The following CAMTA1 variants were observed in gnomAD, a reference collection of about 807,000 sequenced individuals.
CAMTA1 encodes calmodulin binding transcription activator 1.
A neutral mutation model predicts 170.9 loss-of-function variants in CAMTA1; 27 were observed. That is an observed-to-expected ratio of 0.16 (90% CI 0.12 to 0.22). CAMTA1 has a LOEUF of 0.22. Among genes scored for constraint, CAMTA1 ranks in the 10% least tolerant of loss-of-function variants. The probability of loss-of-function intolerance (pLI) is 1.00; values close to 1 mark genes in which losing one functional copy is unlikely to be tolerated. For missense variants in CAMTA1, 1,619 were observed against 2,217.2 expected (o/e 0.73, Z 5.42); for synonymous variants, 833 against 891.5 (o/e 0.93, Z 1.17).
chr1:7,663,558 C>A lies in CAMTA1; in HGVS notation c.1011C>A (p.His337Gln), dbSNP rs2149154984. The A allele has an allele frequency of 6.2e-7, 1 of 1,610,916 alleles. No individual in the cohort carries two copies. Among genetic ancestry groups the A allele is most frequent in the East Asian group, 2.2e-5 (1 of 44,738 alleles). ...AGGTGGCCAAGCCCGTGCTCCTGCA[C>A]CAGAGCAGCACCGAGGTCTCCTCCA... ...NGKVAKPVLL[H>Q]QSSTEVSSTN... Residue 337 changes from histidine (H) to glutamine (Q), a missense_variant, in exon 9 of 23, where the codon CAC (histidine) becomes CAA (glutamine). Physicochemically the swap from His to Gln is conservative, Grantham distance 24. Around this residue, in one of 8 missense-constraint regions of CAMTA1, gnomAD observed 731 missense variants for 907.6 expected, o/e 0.81. Transcript: ENST00000303635.
intron 4 of CAMTA1, among the ~76,000 whole-genome samples, chr1:7,208,528 C>T (rs949970078): frequency 1.3e-5 from 2 of 152,266 alleles, no homozygotes; most frequent in African/African-American, 4.8e-5. Flanking sequence ...CTCTTGAAAA[C>T]CATGTGATTC....
intron 4 of CAMTA1, among the ~76,000 whole-genome samples, chr1:7,189,298 G>A (rs1450199740): frequency 6.6e-6 from 1 of 152,144 alleles, no homozygotes; most frequent in Non-Finnish European, 1.5e-5. Flanking sequence ...ACAAGAATGA[G>A]CTATATCTGT....
At chr1:7,417,044 G>C (rs1326943771) in intron 5 of CAMTA1, among the ~76,000 whole-genome samples, 1 of 152,230 alleles carries the variant, frequency 6.6e-6, no homozygotes, top group African/African-American at 2.4e-5. Context: ...TGTTTGCCTG[G>C]GTATCAGCAG....
intron 6 of CAMTA1, among the ~76,000 whole-genome samples, chr1:7,626,462 C>T (rs974061517): frequency 6.6e-6 from 1 of 152,202 alleles, no homozygotes; most frequent in Non-Finnish European, 1.5e-5. Flanking sequence ...AAACAGAAAG[C>T]CCACCAAACA....
chr1:7,414,857 T>C (rs2091048650), intron 5 of CAMTA1, among the ~76,000 whole-genome samples: 1 of 152,164 alleles, frequency 6.6e-6, no homozygotes, highest in South Asian at 2.1e-4. Flanking sequence ...TGTTAGGGTG[T>C]CAATTTTGGA....
intron 6 of CAMTA1, among the ~76,000 whole-genome samples, chr1:7,577,508 A>G (rs1557945754): frequency 6.6e-6 from 1 of 151,962 alleles, no homozygotes; most frequent in Non-Finnish European, 1.5e-5. Context: ...CCTGGAAGGA[A>G]GTCCCATCTA....
intron 5 of CAMTA1, among the ~76,000 whole-genome samples, chr1:7,346,838 G>T (rs1412855788): frequency 2.6e-5 from 4 of 152,180 alleles, no homozygotes; most frequent in Non-Finnish European, 5.9e-5. Context: ...TACCCCAGGA[G>T]GTTGGGCTCC....
chr1:6,976,926 A>G (rs1693534555), intron 3 of CAMTA1, among the ~76,000 whole-genome samples: 1 of 152,210 alleles, frequency 6.6e-6, no homozygotes, highest in African/African-American at 2.4e-5. Flanking sequence ...TGATGGTTTT[A>G]TAAAGGGCAG....
rs959281876 is a variant in CAMTA1, at chr1:7,405,157, T to C, written c.439-62673T>C. On this transcript the variant is annotated intron_variant, in intron 5 of 22. Coordinates refer to ENST00000303635, the MANE Select transcript of CAMTA1 (RefSeq NM_015215.4). ...CCTCACTTCCTGCAGGCAAGTAGGA[T>C]GCGTCCTCCATGGAGTCTCTGCATT... Among the ~76,000 whole-genome samples, 6 of 152,164 alleles carry C rather than the reference T, an allele frequency of 3.9e-5. No individual in the cohort carries two copies. The East Asian group carries it at 9.7e-4, about 25-fold the overall frequency.
At chr1:6,913,200 C>G (rs1187582168) in intron 3 of CAMTA1, among the ~76,000 whole-genome samples, 1 of 152,210 alleles carries the variant, frequency 6.6e-6, no homozygotes, top group East Asian at 1.9e-4. Context: ...TCCTTTAGGT[C>G]CATGCCCTGT....
At chr1:6,859,338 A>AT (rs1197188550) in intron 3 of CAMTA1, among the ~76,000 whole-genome samples, 1 of 152,198 alleles carries the variant, frequency 6.6e-6, no homozygotes, top group Non-Finnish European at 1.5e-5. Context: ...GTGTGCATAA[A>AT]GACATAGCAC....
intron 11 of CAMTA1, among the ~76,000 whole-genome samples, chr1:7,678,998 C>G (rs749223366): frequency 9.9e-5 from 15 of 152,228 alleles, no homozygotes; most frequent in Non-Finnish European, 2.1e-4. Context: ...GCTGCCCTGG[C>G]TGGTGAACCC....
chr1:6,980,721 C>CA (rs963062864), intron 3 of CAMTA1, among the ~76,000 whole-genome samples: 4 of 152,154 alleles, frequency 2.6e-5, no homozygotes, highest in Admixed American at 6.5e-5. Flanking sequence ...CCTGCACACA[C>CA]ACTCCTTTGC....
At chr1:7,020,977 T>A (rs950257667) in intron 3 of CAMTA1, among the ~76,000 whole-genome samples, 2 of 152,246 alleles carry the variant, frequency 1.3e-5, no homozygotes, top group Non-Finnish European at 2.9e-5. Context: ...AGGCAGTGCT[T>A]GTGCATCCTG....
At chr1:7,088,192 C>T (rs79863101) in intron 3 of CAMTA1, among the ~76,000 whole-genome samples, 3 of 152,298 alleles carry the variant, frequency 2.0e-5, no homozygotes, top group Admixed American at 6.5e-5. Context: ...TCAGCTTCCT[C>T]GGAAAGGCTT....
At chr1:7,344,450 T>G (rs75666222) in intron 5 of CAMTA1, among the ~76,000 whole-genome samples, 2,508 of 152,340 alleles carry the variant, frequency 0.016, 76 homozygotes, top group African/African-American at 0.058. Flanking sequence ...GTAAGAGGCA[T>G]AGCAAATGTA....
At position 6,970,706 on chromosome 1, in the gene CAMTA1, G is replaced by A. The variant is rs1692369949; in HGVS notation, c.235-120598G>A. Among the ~76,000 whole-genome samples the A allele has an allele frequency of 2.6e-5, 4 of 152,176 alleles. No homozygotes were observed. Among genetic ancestry groups the A allele is most frequent in the Non-Finnish European group, 4.4e-5 (3 of 68,020 alleles). ...GGCTACTAGAGCACCTGTTCAGGAC[G>A]TATCATCCAGTCCTGGTGGGTCAGG... is the stretch of plus-strand genomic sequence containing the variant. On this transcript the variant is annotated intron_variant, in intron 3 of 22. Transcript: ENST00000303635. The surrounding 1 kb of genome is among the most constrained non-coding windows in gnomAD (Gnocchi z 4.4).
chr1:7,572,015 T>C (rs1377857247), intron 6 of CAMTA1, among the ~76,000 whole-genome samples: 1 of 152,230 alleles, frequency 6.6e-6, no homozygotes, highest in Admixed American at 6.5e-5. Flanking sequence ...CTTTTGATTT[T>C]TTAATAATAG....
intron 5 of CAMTA1, among the ~76,000 whole-genome samples, chr1:7,377,164 A>C (rs2086901972): frequency 6.6e-6 from 1 of 152,206 alleles, no homozygotes. Context: ...CTACCCCAGG[A>C]GAGACCTGAC....
Sources: gnomAD v4.1 joint callset for allele counts (sites outside exome capture counted in the v4.1 genomes callset) on GRCh38, gnomAD v4.1.1 for gene constraint, gnomAD v4.1.1 regional missense constraint, Gnocchi (gnomAD v3.1) non-coding constraint, MANE v1.5 for transcripts, NCBI Gene and HGNC (gene_info 2026-07-23, HGNC 2026-07-21) for gene names.